Variants in PPARGC1A observed in about 807,000 individuals in gnomAD.
PPARGC1A encodes peroxisome proliferator-activated receptor gamma coactivator 1-alpha.
PPARGC1A carries 25 observed loss-of-function variants against 88.7 expected under a neutral mutation model. The ratio of observed to expected loss-of-function variants is 0.28; its 90% confidence interval spans 0.21 to 0.39. PPARGC1A has a LOEUF of 0.39. PPARGC1A is among the 10% of genes least tolerant of loss of function. The pLI, the probability that PPARGC1A is intolerant of heterozygous loss-of-function variation, is 1.00. For missense variants in PPARGC1A, 880 were observed against 968.7 expected, an observed-to-expected ratio of 0.91 and a Z score of 1.22; for synonymous variants, 363 against 355.6, an observed-to-expected ratio of 1.02 and a Z score of -0.24.
chr4:23,954,861 A>C, the PPARGC1A span, among the ~76,000 whole-genome samples: 1 of 152,066 alleles, frequency 6.6e-6, no homozygotes, highest in Admixed American at 6.6e-5. Flanking sequence ...CTGGTACTTA[A>C]CACCACAGCC....
At chr4:24,227,668 G>A in the PPARGC1A span, among the ~76,000 whole-genome samples, 1 of 152,152 alleles carries the variant, frequency 6.6e-6, no homozygotes, top group Non-Finnish European at 1.5e-5. Flanking sequence ...TCCAGGTGAT[G>A]GACAAGCACC....
chr4:24,122,436 T>TATAG, the PPARGC1A span, among the ~76,000 whole-genome samples: 5,430 of 124,010 alleles, frequency 0.044, 145 homozygotes, highest in Non-Finnish European at 0.064. Flanking sequence ...TATATATATA[T>TATAG]AGAGAGAGAG....
the PPARGC1A span, among the ~76,000 whole-genome samples, chr4:24,424,339 G>A: frequency 3.1e-5 from 4 of 130,138 alleles, no homozygotes; most frequent in Non-Finnish European, 6.2e-5. Flanking sequence ...GCCCTGGAGC[G>A]ATCTCGGCTC....
intron 2 of PPARGC1A, chr4:23,882,040 G>A (rs1156826307): frequency 1.3e-5 from 2 of 152,252 alleles, no homozygotes; most frequent in Admixed American, 1.3e-4. Context: ...AAAGATGCCT[G>A]AGTTTAACAC....
the PPARGC1A span, among the ~76,000 whole-genome samples, chr4:24,348,687 T>G: frequency 1.3e-5 from 2 of 152,194 alleles, 1 homozygote; most frequent in South Asian, 4.1e-4. Context: ...GCTGTCTATT[T>G]CCATGAATAT....
the PPARGC1A span, among the ~76,000 whole-genome samples, chr4:24,404,006 G>A: frequency 6.6e-6 from 1 of 152,126 alleles, no homozygotes; most frequent in African/African-American, 2.4e-5. Flanking sequence ...GCTCACGCCT[G>A]TAATCCCAGC....
the PPARGC1A span, among the ~76,000 whole-genome samples, chr4:24,440,138 ATTG>A: frequency 6.6e-6 from 1 of 152,190 alleles, no homozygotes; most frequent in African/African-American, 2.4e-5. Flanking sequence ...AGGTCTATGT[ATTG>A]TTGTTCTGAA....
At chr4:23,806,129 T>C (rs1332355968) in intron 10 of PPARGC1A, among the ~76,000 whole-genome samples, 5 of 152,214 alleles carry the variant, frequency 3.3e-5, no homozygotes, top group Non-Finnish European at 7.3e-5. Flanking sequence ...CTACCATCTC[T>C]TTTTATGAAA....
chr4:24,168,628 A>ACACAC, the PPARGC1A span, among the ~76,000 whole-genome samples: 335 of 148,374 alleles, frequency 2.3e-3, no homozygotes, highest in African/African-American at 7.4e-3. Flanking sequence ...CACACACACA[A>ACACAC]ACACACAGAC....
chr4:24,462,302 A>G, the PPARGC1A span, among the ~76,000 whole-genome samples: 1 of 143,454 alleles, frequency 7.0e-6, no homozygotes, highest in African/African-American at 2.7e-5. Context: ...TCACCTTGTT[A>G]GTCAGGCTGG....
chr4:24,196,025 G>T, the PPARGC1A span, among the ~76,000 whole-genome samples: 3 of 152,318 alleles, frequency 2.0e-5, no homozygotes, highest in African/African-American at 7.2e-5. Flanking sequence ...AGGCCATGGG[G>T]TTTCTCTCTA....
At chr4:23,918,898 T>C in the PPARGC1A span, among the ~76,000 whole-genome samples, 4 of 152,116 alleles carry the variant, frequency 2.6e-5, no homozygotes, top group Non-Finnish European at 5.9e-5. Context: ...TCCTATCCTA[T>C]ACATTTCATG....
At chr4:24,180,485 A>C in the PPARGC1A span, among the ~76,000 whole-genome samples, 260 of 152,336 alleles carry the variant, frequency 1.7e-3, no homozygotes, top group African/African-American at 6.0e-3. Flanking sequence ...ATCTCTGATT[A>C]ACTTCAACTC....
the PPARGC1A span, among the ~76,000 whole-genome samples, chr4:24,287,250 G>T: frequency 1.3e-5 from 2 of 151,730 alleles, no homozygotes; most frequent in South Asian, 4.2e-4. Context: ...TGTCCTACAG[G>T]GACAAATCAT....
chr4:24,347,744 C>T, the PPARGC1A span, among the ~76,000 whole-genome samples: 2 of 152,086 alleles, frequency 1.3e-5, no homozygotes, highest in South Asian at 4.1e-4. Flanking sequence ...AGCATTTAGG[C>T]TATTTATATT....
chr4:24,155,561 A>C, the PPARGC1A span, among the ~76,000 whole-genome samples: 53 of 151,468 alleles, frequency 3.5e-4, no homozygotes, highest in African/African-American at 1.3e-3. Context: ...AGATCTCACC[A>C]CTGCACTCCA....
At chr4:24,042,099 C>T in the PPARGC1A span, among the ~76,000 whole-genome samples, 3 of 152,218 alleles carry the variant, frequency 2.0e-5, no homozygotes, top group East Asian at 3.9e-4. Context: ...TTAATCATTT[C>T]AAGTGCCATC....
At chr4:24,324,842 C>T in the PPARGC1A span, among the ~76,000 whole-genome samples, 1 of 152,102 alleles carries the variant, frequency 6.6e-6, no homozygotes, top group Non-Finnish European at 1.5e-5. Flanking sequence ...CCCCAAGCGT[C>T]GCTGAGTCTT....
At chr4:24,037,529 G>T in the PPARGC1A span, among the ~76,000 whole-genome samples, 1 of 152,160 alleles carries the variant, frequency 6.6e-6, no homozygotes, top group African/African-American at 2.4e-5. Flanking sequence ...AGCCATGCTT[G>T]TAAAACCTGT....
Sources: allele counts gnomAD v4.1 joint callset (sites outside exome capture counted in the v4.1 genomes callset), GRCh38; gene constraint gnomAD v4.1.1; transcripts MANE v1.5; gene names NCBI Gene and HGNC (gene_info 2026-07-23, HGNC 2026-07-21).